ACSS3: variants seen among roughly 807,000 people sequenced by gnomAD.
ACSS3 encodes acyl-CoA synthetase short-chain family member 3, mitochondrial.
In ACSS3, 64 loss-of-function variants were observed where a neutral mutation model predicts 84.2. That is an observed-to-expected ratio of 0.76 (90% CI 0.62 to 0.94). ACSS3 has a LOEUF of 0.94. Ranked by LOEUF, ACSS3 falls within the 40% of genes least tolerant of loss-of-function variation. ACSS3 has a pLI of 0.00. For synonymous variants in ACSS3, 317 were observed against 310.1 expected (o/e 1.02, Z -0.23); for missense variants, 815 against 867.6 (o/e 0.94, Z 0.76).
At position 81,082,093 on chromosome 12, in the gene ACSS3, G is replaced by A. The variant is rs539949941; in HGVS notation, c.311+3662G>A. Among the ~76,000 whole-genome samples the A allele has an allele frequency of 2.0e-5, 3 of 152,302 alleles. 1 individual carries two copies. Among genetic ancestry groups the A allele is most frequent in the African/African-American group, 7.2e-5 (3 of 41,564 alleles). On this transcript the variant is annotated intron_variant, in intron 1 of 15. Transcript: ENST00000548058. ...AGACTAATTTTAAATTTTAGATGCA[G>A]GGGTACATGTGCAGGTTTGTTATAT...
At chr12:81,171,770 A>G (rs929829449) in intron 7 of ACSS3, among the ~76,000 whole-genome samples, 2 of 152,208 alleles carry the variant, frequency 1.3e-5, no homozygotes, top group African/African-American at 4.8e-5. Flanking sequence ...TGTTCTGAGA[A>G]ATGTATCCTT....
intron 2 of ACSS3, among the ~76,000 whole-genome samples, chr12:81,131,639 C>A (rs961725832): frequency 7.9e-5 from 12 of 152,090 alleles, no homozygotes; most frequent in African/African-American, 2.2e-4. Flanking sequence ...GCCTGATTGC[C>A]CTGGCCAGAA....
intron 8 of ACSS3, among the ~76,000 whole-genome samples, chr12:81,185,197 G>A (rs996237622): frequency 6.6e-6 from 1 of 151,536 alleles, no homozygotes; most frequent in African/African-American, 2.4e-5. Context: ...AGGTATAGAA[G>A]GAACGTTTAT....
At chr12:81,142,832 C>T (rs1886157341) in intron 4 of ACSS3, among the ~76,000 whole-genome samples, 1 of 152,188 alleles carries the variant, frequency 6.6e-6, no homozygotes, top group Non-Finnish European at 1.5e-5. Context: ...GGAAACATTA[C>T]TGCATTATAC....
intron 2 of ACSS3, among the ~76,000 whole-genome samples, chr12:81,116,851 C>T (rs367919985): frequency 1.5e-4 from 23 of 152,072 alleles, no homozygotes; most frequent in East Asian, 7.7e-4. Context: ...CACTTGCCAT[C>T]ACATTGTGAT....
chr12:81,078,535 T>C, intron 1 of ACSS3, 104 bp downstream of exon 1: 1 of 1,302,514 alleles, frequency 7.7e-7, no homozygotes, highest in Non-Finnish European at 1.1e-6. Flanking sequence ...CGAAAGAAAA[T>C]TGAAACTGGA....
At chr12:81,211,090 C>T (rs1449920736) in intron 9 of ACSS3, among the ~76,000 whole-genome samples, 3 of 151,998 alleles carry the variant, frequency 2.0e-5, no homozygotes, top group African/African-American at 7.3e-5. Flanking sequence ...CCTCAGCCTG[C>T]CCAATAGCTG....
In ACSS3 at chr12:81,129,260, G is replaced by C. The variant is rs140424745; in HGVS notation, c.457-5556G>C. ...TAGGTATGTATCACACTTTCTGTAT[G>C]GTTAGGGAACTATGGTGTAAGCATA... On this transcript the variant is annotated intron_variant, in intron 2 of 15. Transcript: ENST00000548058. Among the ~76,000 whole-genome samples the C allele has an allele frequency of 8.5e-3, 1,290 of 152,182 alleles. 6 individuals are homozygous for C. The highest frequency in any genetic ancestry group is 0.031 in the Middle Eastern group (9 of 292).
chr12:81,158,086 C>T (rs774420883), intron 7 of ACSS3, among the ~76,000 whole-genome samples: 30 of 152,096 alleles, frequency 2.0e-4, no homozygotes, highest in South Asian at 4.2e-4. Flanking sequence ...AAGGGCATCA[C>T]GAAGGATCCT....
At chr12:81,151,106 A>G (rs1028136151) in intron 5 of ACSS3, among the ~76,000 whole-genome samples, 2 of 152,192 alleles carry the variant, frequency 1.3e-5, no homozygotes, top group Non-Finnish European at 2.9e-5. Context: ...TGACATTTAT[A>G]CCCAGTGTTC....
At chr12:81,100,734 T>C (rs1882445314) in intron 1 of ACSS3, among the ~76,000 whole-genome samples, 1 of 152,212 alleles carries the variant, frequency 6.6e-6, no homozygotes, top group Admixed American at 6.5e-5. Flanking sequence ...CCCCAGGCCA[T>C]CCATCCTCAC....
At chr12:81,148,604 A>G (rs1244836125) in intron 5 of ACSS3, among the ~76,000 whole-genome samples, 1 of 152,170 alleles carries the variant, frequency 6.6e-6, no homozygotes, top group Non-Finnish European at 1.5e-5. Flanking sequence ...TTCAGGGCAC[A>G]GAGTGCTAGT....
At chr12:81,105,198 C>A (rs775223662) in intron 1 of ACSS3, among the ~76,000 whole-genome samples, 13 of 152,118 alleles carry the variant, frequency 8.5e-5, no homozygotes, top group Non-Finnish European at 1.6e-4. Flanking sequence ...AAGCGGCCAT[C>A]ATAAAAGTGC....
At chr12:81,216,868 A>C (rs1180812847) in intron 9 of ACSS3, 33 bp from the exon 10 acceptor site, 2 of 1,558,768 alleles carry the variant, frequency 1.3e-6, no homozygotes, top group Non-Finnish European at 1.8e-6. Flanking sequence ...CCAAGTTAAA[A>C]CATGAAGTGA....
rs539542188 is a variant in ACSS3 at position 81,244,909 on chromosome 12, G to A, written c.1720-8398G>A. Among the ~76,000 whole-genome samples, 56 of 151,482 alleles carry A rather than the reference G, an allele frequency of 3.7e-4. 1 individual carries two copies. In the South Asian group the frequency reaches 0.011, roughly 29 times the overall value. On this transcript the variant is annotated intron_variant, in intron 13 of 15. Transcript: ENST00000548058. The stretch of plus-strand genomic sequence containing the variant: ...TGCTTCTTCAGTCTATTCAAACTGT[G>A]TGTGTGTGTGTGTGTGTGTGTATTT...
intron 5 of ACSS3, among the ~76,000 whole-genome samples, chr12:81,148,500 A>T (rs529003975): frequency 7.9e-5 from 12 of 152,136 alleles, no homozygotes; most frequent in Admixed American, 2.6e-4. Context: ...TTTAAACACC[A>T]TAAACATTGT....
intron 1 of ACSS3, among the ~76,000 whole-genome samples, chr12:81,090,205 C>T (rs1420667835): frequency 1.3e-5 from 2 of 151,930 alleles, no homozygotes; most frequent in Admixed American, 6.6e-5. Context: ...TTGATTTCGT[C>T]GCCTTTCAAT....
chr12:81,230,227 G>T (rs560458863), intron 11 of ACSS3, among the ~76,000 whole-genome samples: 1 of 151,730 alleles, frequency 6.6e-6, no homozygotes, highest in Admixed American at 6.6e-5. Flanking sequence ...GATCTAAAAG[G>T]TTTCTGTGTT....
intron 13 of ACSS3, among the ~76,000 whole-genome samples, chr12:81,243,400 G>A (rs2033877233): frequency 6.6e-6 from 1 of 152,158 alleles, no homozygotes; most frequent in African/African-American, 2.4e-5. Flanking sequence ...CTCATGGGTA[G>A]GAAGAATCAA....
Sources: gnomAD v4.1 joint callset for allele counts (sites outside exome capture counted in the v4.1 genomes callset) on GRCh38, gnomAD v4.1.1 for gene constraint, MANE v1.5 for transcripts, NCBI Gene and HGNC (gene_info 2026-07-23, HGNC 2026-07-21) for gene names.